SUGCT: variants seen among roughly 807,000 people sequenced by gnomAD.
SUGCT encodes succinyl-CoA:glutarate CoA-transferase.
SUGCT carries 41 observed loss-of-function variants against 55.0 expected under a neutral mutation model. That is an observed-to-expected ratio of 0.74 (90% CI 0.58 to 0.97). SUGCT has a LOEUF of 0.97. SUGCT is among the 50% of genes least tolerant of loss of function. SUGCT has a pLI of 0.00. For synonymous variants in SUGCT, 187 were observed against 200.4 expected (o/e 0.93, Z 0.56); for missense variants, 568 against 547.8 (o/e 1.04, Z -0.37).
At chr7:40,193,359 C>A (rs1178981214) in intron 5 of SUGCT, among the ~76,000 whole-genome samples, 1 of 142,110 alleles carries the variant, frequency 7.0e-6, no homozygotes, top group Non-Finnish European at 1.5e-5. Context: ...GATCTTGGCT[C>A]ACTGCACCTC....
At chr7:40,345,077 T>G (rs1399894850) in intron 9 of SUGCT, among the ~76,000 whole-genome samples, 2 of 152,190 alleles carry the variant, frequency 1.3e-5, no homozygotes, top group East Asian at 3.8e-4. Flanking sequence ...ATACAAATAA[T>G]TAGCAGCTTT....
chr7:40,253,726 G>A (rs1790604477), intron 7 of SUGCT, among the ~76,000 whole-genome samples: 1 of 152,132 alleles, frequency 6.6e-6, no homozygotes, highest in African/African-American at 2.4e-5. Flanking sequence ...TCGCCATGTT[G>A]GCCAGGCTGG....
the SUGCT span, among the ~76,000 whole-genome samples, chr7:40,895,693 A>G: frequency 6.6e-6 from 1 of 152,156 alleles, no homozygotes; most frequent in Non-Finnish European, 1.5e-5. Context: ...GAAAATCGAA[A>G]TACAAAAAGC....
intron 6 of SUGCT, among the ~76,000 whole-genome samples, chr7:40,204,279 G>A (rs1329618037): frequency 6.7e-6 from 1 of 150,096 alleles, no homozygotes; most frequent in Non-Finnish European, 1.5e-5. Context: ...GCATGAGCCA[G>A]CCACTGTGCC....
intron 3 of SUGCT, among the ~76,000 whole-genome samples, chr7:40,186,313 C>T (rs1424492294): frequency 6.7e-6 from 1 of 149,460 alleles, no homozygotes; most frequent in Non-Finnish European, 1.5e-5. Context: ...GGCTGGAGTG[C>T]AGTGGCGCAC....
chr7:40,565,997 A>ACGCGCG (rs1173066522), intron 12 of SUGCT, among the ~76,000 whole-genome samples: 4 of 66,722 alleles, frequency 6.0e-5, no homozygotes, highest in African/African-American at 1.4e-4. Context: ...ACACACGCAC[A>ACGCGCG]CACACACACA....
At chr7:40,672,441 A>C (rs1326813406) in intron 12 of SUGCT, among the ~76,000 whole-genome samples, 1 of 152,248 alleles carries the variant, frequency 6.6e-6, no homozygotes, top group Non-Finnish European at 1.5e-5. Context: ...AATTATGCCC[A>C]GAGAAAAAGA....
the SUGCT span, among the ~76,000 whole-genome samples, chr7:40,939,396 C>T: frequency 1.3e-5 from 2 of 152,176 alleles, no homozygotes; most frequent in Non-Finnish European, 2.9e-5. Context: ...ACAGCCAAAC[C>T]ATATCACATA....
intron 12 of SUGCT, among the ~76,000 whole-genome samples, chr7:40,526,850 G>A (rs543659534): frequency 6.6e-6 from 1 of 152,096 alleles, no homozygotes; most frequent in Non-Finnish European, 1.5e-5. Flanking sequence ...TTATTTTAAG[G>A]ATTTGTTGGT....
At chr7:40,142,490 T>G (rs1252743863) in intron 1 of SUGCT, among the ~76,000 whole-genome samples, 1 of 152,152 alleles carries the variant, frequency 6.6e-6, no homozygotes, top group African/African-American at 2.4e-5. Flanking sequence ...TAAGTGCTGT[T>G]TTTATGAGCC....
At chr7:40,521,574 A>G (rs1793528478) in intron 12 of SUGCT, among the ~76,000 whole-genome samples, 1 of 152,196 alleles carries the variant, frequency 6.6e-6, no homozygotes, top group Non-Finnish European at 1.5e-5. Flanking sequence ...AGTTATAAAC[A>G]GTAGTGACAG....
the SUGCT span, among the ~76,000 whole-genome samples, chr7:40,961,713 T>C: frequency 1.1e-4 from 17 of 152,276 alleles, no homozygotes; most frequent in African/African-American, 4.1e-4. Flanking sequence ...CCTTCAGATG[T>C]TCAGATGTGT....
chr7:40,434,715 A>G (rs1269586335), intron 9 of SUGCT, among the ~76,000 whole-genome samples: 1 of 152,202 alleles, frequency 6.6e-6, no homozygotes, highest in South Asian at 2.1e-4. Flanking sequence ...ATCATCCAGT[A>G]CAAGAAGTGA....
intron 12 of SUGCT, among the ~76,000 whole-genome samples, chr7:40,738,026 C>T (rs1007037542): frequency 6.6e-6 from 1 of 150,536 alleles, no homozygotes; most frequent in African/African-American, 2.4e-5. Context: ...ATGGTAAAAC[C>T]CCGTTTCTAC....
rs1032485573 is a variant in SUGCT at position 40,574,857 on chromosome 7, C to T, written c.1089+78471C>T. Among the ~76,000 whole-genome samples the T allele has an allele frequency of 5.3e-5, 8 of 152,278 alleles. No individual in the cohort carries two copies. The South Asian group carries it at 1.7e-3, about 32-fold the overall frequency. Reference sequence around the variant, plus strand: ...ACTTGCTTCTGTGGACATCATGCCACGAAATCTTCACAACAATCCTGGAGA... The same window carrying T: ...ACTTGCTTCTGTGGACATCATGCCATGAAATCTTCACAACAATCCTGGAGA... On this transcript the variant is annotated intron_variant, in intron 12 of 13. Transcript: ENST00000335693.
chr7:40,136,509 T>C (rs1484710569), intron 1 of SUGCT, among the ~76,000 whole-genome samples: 1 of 152,212 alleles, frequency 6.6e-6, no homozygotes, highest in Non-Finnish European at 1.5e-5. Context: ...TTTTTTTGTT[T>C]GTTTATTCTG....
chr7:40,485,851 A>C (rs985974402), intron 11 of SUGCT, among the ~76,000 whole-genome samples: 2 of 152,192 alleles, frequency 1.3e-5, no homozygotes, highest in Non-Finnish European at 2.9e-5. Flanking sequence ...ATTGACATAC[A>C]TTAGGTTGAA....
intron 9 of SUGCT, among the ~76,000 whole-genome samples, chr7:40,424,130 T>G (rs1787461632): frequency 6.6e-6 from 1 of 152,156 alleles, no homozygotes; most frequent in Non-Finnish European, 1.5e-5. Flanking sequence ...TCCTCAAATG[T>G]TAAAAACAGT....
intron 9 of SUGCT, among the ~76,000 whole-genome samples, chr7:40,376,553 G>A (rs1432160928): frequency 1.3e-5 from 2 of 151,666 alleles, no homozygotes; most frequent in Non-Finnish European, 2.9e-5. Context: ...CACCATGCCC[G>A]GCTAATTTTT....
Sources: allele counts gnomAD v4.1 joint callset (sites outside exome capture counted in the v4.1 genomes callset), GRCh38; gene constraint gnomAD v4.1.1; transcripts MANE v1.5; gene names NCBI Gene and HGNC (gene_info 2026-07-23, HGNC 2026-07-21).